Variants in NET1 observed in about 807,000 individuals in gnomAD.
NET1 encodes the protein neuroepithelial cell-transforming gene 1 protein.
NET1 carries 42 observed loss-of-function variants against 61.1 expected under a neutral mutation model. The observed-to-expected ratio is 0.69, with a 90% CI of 0.54 to 0.89. The LOEUF (loss-of-function observed/expected upper bound fraction) is 0.89. NET1 is among the 40% of genes least tolerant of loss of function. The pLI, the probability that NET1 is intolerant of heterozygous loss-of-function variation, is 0.00. For synonymous variants in NET1, 254 were observed against 281.8 expected, an observed-to-expected ratio of 0.90 and a Z score of 0.99; for missense variants, 654 against 747.3, an observed-to-expected ratio of 0.88 and a Z score of 1.46.
rs1044668277 is a variant in NET1 at position 5,435,555 on chromosome 10, AG to A, written c.255+6327del. On this transcript the variant is annotated intron_variant, in intron 3 of 11. Transcript: ENST00000355029. The surrounding 1 kb of genome is among the most constrained non-coding windows in gnomAD (Gnocchi z 5.0). ...TAGACAGACAGACAGATAGATAGAT[AG>A]ATAGATAAAATAGATACTCCGTAAA... Among the ~76,000 whole-genome samples the A allele has an allele frequency of 6.6e-6, 1 of 151,548 alleles. No individual in the cohort carries two copies. The highest frequency in any genetic ancestry group is 2.4e-5 in the African/African-American group (1 of 41,208).
At position 5,416,529 on chromosome 10, in the gene NET1, G is replaced by C. The variant is rs1832084566; in HGVS notation, c.128+3709G>C. On this transcript the variant is annotated intron_variant, in intron 1 of 11. Coordinates refer to ENST00000355029, the MANE Select transcript of NET1 (RefSeq NM_001047160.3). This position sits in a 1 kb window ranked among gnomAD's most constrained non-coding sequence, Gnocchi z 6.1. The stretch of plus-strand genomic sequence containing the variant: ...AGAGAGTTAAGTAGTCTGATCCATG[G>C]ACAAGGGATGTTTTTCCAATTATTT... Among the ~76,000 whole-genome samples the C allele has an allele frequency of 6.6e-6, 1 of 152,184 alleles. No individual in the cohort carries two copies. The highest frequency in any genetic ancestry group is 1.5e-5 in the Non-Finnish European group (1 of 68,026).
Position 5,423,777 on chromosome 10 carries a change from G to A in NET1, c.129-2878G>A, listed in dbSNP as rs752675913. Among the ~76,000 whole-genome samples the A allele has an allele frequency of 3.9e-5, 6 of 152,106 alleles. No individual in the cohort carries two copies. Among genetic ancestry groups the A allele is most frequent in the Admixed American group, 3.9e-4 (6 of 15,276 alleles). ...TTTTTCCCCACAAGGATTTAAAATA[G>A]CTATTACATTTTGAGTCTGACGCTT... On this transcript the variant is annotated intron_variant, in intron 1 of 11. Transcript: ENST00000355029. This position sits in a 1 kb window ranked among gnomAD's most constrained non-coding sequence, Gnocchi z 4.4.
chr10:5,427,691 T>C lies in NET1; in HGVS notation c.195+970T>C, dbSNP rs1320364066. Among the ~76,000 whole-genome samples the C allele has an allele frequency of 6.6e-6, 1 of 152,226 alleles. No individual in the cohort carries two copies. The highest frequency in any genetic ancestry group is 2.4e-5 in the African/African-American group (1 of 41,464). Reference sequence around the variant, plus strand: ...CTCCATTCTGATATATATTGTTCTTTCATGTCTTAGATCATTTTCCTAATG... The same window carrying C: ...CTCCATTCTGATATATATTGTTCTTCCATGTCTTAGATCATTTTCCTAATG... On this transcript the variant is annotated intron_variant, in intron 2 of 11. Coordinates refer to ENST00000355029, the MANE Select transcript of NET1 (RefSeq NM_001047160.3). The surrounding 1 kb of genome is among the most constrained non-coding windows in gnomAD (Gnocchi z 4.1).
In NET1 at chr10:5,440,044, A is replaced by C. The variant is rs1420350323; in HGVS notation, c.255+10815A>C. 6.6e-6 allele frequency among the ~76,000 whole-genome samples: 1 copy of C among 152,242 alleles called. No individual in the cohort carries two copies. Among genetic ancestry groups the C allele is most frequent in the East Asian group, 1.9e-4 (1 of 5,202 alleles). ...AAGCCTCAGGCCGTTGGATCTATTA[A>C]AACTTTTCCAACATGGCAACCTCTG... On this transcript the variant is annotated intron_variant, in intron 3 of 11. Transcript: ENST00000355029. This position sits in a 1 kb window ranked among gnomAD's most constrained non-coding sequence, Gnocchi z 4.1.
rs1832465618 is a variant in NET1, at chr10:5,437,996, A to G, written c.255+8767A>G. 6.6e-6 allele frequency among the ~76,000 whole-genome samples: 1 copy of G among 151,732 alleles called. No individual in the cohort carries two copies. The highest frequency in any genetic ancestry group is 1.5e-5 in the Non-Finnish European group (1 of 68,016). ...TGTGGAAATTAAACAACACATTATT[A>G]AACAATCAATGAGTCAAAACAAATC... On this transcript the variant is annotated intron_variant, in intron 3 of 11. Coordinates refer to ENST00000355029, the MANE Select transcript of NET1 (RefSeq NM_001047160.3). This position sits in a 1 kb window ranked among gnomAD's most constrained non-coding sequence, Gnocchi z 4.3.
chr10:5,448,579 C>CT (rs1219958184), intron 3 of NET1, among the ~76,000 whole-genome samples: 1 of 151,508 alleles, frequency 6.6e-6, no homozygotes, highest in Non-Finnish European at 1.5e-5. Flanking sequence ...TCCAAGTGAA[C>CT]TTTAGCCCTG....
chr10:5,458,537 T>C lies in NET1; in HGVS notation c.*1543T>C, dbSNP rs570944806. The C allele has an allele frequency of 5.3e-5, 8 of 152,138 alleles. No homozygotes were observed. In the East Asian group the frequency reaches 1.2e-3, roughly 22 times the overall value. 9.4% of individuals were successfully genotyped at this position (152,138 alleles called of 1,614,324 possible). ...AAATATGCTGGTGTGGCAAAGGAGGTAGTGGTAAGCCTCATAAAAGTTAGT... is the reference window on the plus strand; with the variant it reads ...AAATATGCTGGTGTGGCAAAGGAGGCAGTGGTAAGCCTCATAAAAGTTAGT... On this transcript the variant is annotated 3_prime_UTR_variant, in exon 12 of 12. Transcript: ENST00000355029. The surrounding 1 kb of genome is among the most constrained non-coding windows in gnomAD (Gnocchi z 4.5).
Position 5,412,948 on chromosome 10 carries a change from G to C in NET1, c.128+128G>C. On this transcript the variant is annotated intron_variant, in intron 1 of 11. Coordinates refer to ENST00000355029, the MANE Select transcript of NET1 (RefSeq NM_001047160.3). This position sits in a 1 kb window ranked among gnomAD's most constrained non-coding sequence, Gnocchi z 6.5. The stretch of plus-strand genomic sequence containing the variant: ...GGGCTGGCCGGGAGTTGGATGTGGG[G>C]GGCGGCGAGTGGGGGTGTTGGTGAG... 1 of 862,158 alleles carries C rather than the reference G, an allele frequency of 1.2e-6. No individual in the cohort carries two copies. The highest frequency in any genetic ancestry group is 4.3e-5 in the East Asian group (1 of 23,200). The allele number at this position is 862,158 out of a possible 1,614,324, so 53.4% of individuals were successfully genotyped here. A position where few individuals can be genotyped will look rare whatever the true frequency, so the allele number is the denominator to read the frequency against.
At chr10:5,414,045 G>A (rs10904496) in intron 1 of NET1, among the ~76,000 whole-genome samples, 37,784 of 151,982 alleles carry the variant, frequency 0.25, 4,951 homozygotes, top group Non-Finnish European at 0.29. Flanking sequence ...AGTTTAGAGA[G>A]CAGATGTAAA....
chr10:5,444,297 G>A lies in NET1; in HGVS notation c.256-7533G>A, dbSNP rs751747408. Among the ~76,000 whole-genome samples the A allele has an allele frequency of 7.9e-4, 120 of 152,288 alleles. No homozygotes were observed. The highest frequency in any genetic ancestry group is 3.4e-3 in the Middle Eastern group (1 of 294). On this transcript the variant is annotated intron_variant, in intron 3 of 11. Coordinates refer to ENST00000355029, the MANE Select transcript of NET1 (RefSeq NM_001047160.3). This position sits in a 1 kb window ranked among gnomAD's most constrained non-coding sequence, Gnocchi z 5.3. ...GAAAGATGAATTATTACCACATCTC[G>A]TGTATAAAACACACATAGCTACAGA...
At chr10:5,419,292 T>C (rs1477540497) in intron 1 of NET1, among the ~76,000 whole-genome samples, 1 of 147,146 alleles carries the variant, frequency 6.8e-6, no homozygotes, top group African/African-American at 2.5e-5. Context: ...GTGGACAGCA[T>C]ATAGTTGGAT....
intron 2 of NET1, among the ~76,000 whole-genome samples, 176 bp from the exon 3 acceptor site, chr10:5,428,993 TA>T (rs1832305611): frequency 6.6e-6 from 1 of 151,584 alleles, no homozygotes; most frequent in African/African-American, 2.4e-5. Flanking sequence ...CTCAGCCTCC[TA>T]AAGTGCTGAA....
At position 5,443,402 on chromosome 10, in the gene NET1, A is replaced by G. The variant is rs993410509; in HGVS notation, c.256-8428A>G. On this transcript the variant is annotated intron_variant, in intron 3 of 11. Transcript: ENST00000355029. This position sits in a 1 kb window ranked among gnomAD's most constrained non-coding sequence, Gnocchi z 4.8. ...TAATAAGTACTTCATAGAGTTGATT[A>G]AATAACATATAGAACTCTAGCACAA... is the stretch of plus-strand genomic sequence containing the variant. Among the ~76,000 whole-genome samples the G allele has an allele frequency of 1.3e-5, 2 of 152,238 alleles. No homozygotes were observed. The highest frequency in any genetic ancestry group is 4.8e-5 in the African/African-American group (2 of 41,462).
Position 5,446,250 on chromosome 10 carries a change from A to T in NET1, c.256-5580A>T, listed in dbSNP as rs1342878273. ...AGGCTTTTCTTCATTATATATGTTG[A>T]TTCAGCCCTATCGAATAAGAATTTC... On this transcript the variant is annotated intron_variant, in intron 3 of 11. Transcript: ENST00000355029. The surrounding 1 kb of genome is among the most constrained non-coding windows in gnomAD (Gnocchi z 5.0). Among the ~76,000 whole-genome samples, 5 of 152,190 alleles carry T rather than the reference A, an allele frequency of 3.3e-5. No individual in the cohort carries two copies. Among genetic ancestry groups the T allele is most frequent in the African/African-American group, 1.2e-4 (5 of 41,454 alleles).
chr10:5,436,249 T>TA (rs1491369503), intron 3 of NET1, among the ~76,000 whole-genome samples: 330 of 6,882 alleles, frequency 0.048, 2 homozygotes, highest in Non-Finnish European at 0.057. Flanking sequence ...TATATATATA[T>TA]TTTTTTTTTT....
Position 5,457,029 on chromosome 10 carries a change from G to C in NET1, c.*35G>C, listed in dbSNP as rs536223005. Reference sequence around the variant, plus strand: ...TGTGTGTTAACTGATGGGAGAGACTGTTTGTTTATAAATGTGTACAGTTTT... The same window carrying C: ...TGTGTGTTAACTGATGGGAGAGACTCTTTGTTTATAAATGTGTACAGTTTT... On this transcript the variant is annotated 3_prime_UTR_variant, in exon 12 of 12. Coordinates refer to ENST00000355029, the MANE Select transcript of NET1 (RefSeq NM_001047160.3). This position sits in a 1 kb window ranked among gnomAD's most constrained non-coding sequence, Gnocchi z 5.4. 1 of 1,509,278 alleles carries C rather than the reference G, an allele frequency of 6.6e-7. No individual in the cohort carries two copies. The highest frequency in any genetic ancestry group is 1.4e-5 in the South Asian group (1 of 73,790). The allele number at this position is 1,509,278 out of a possible 1,614,324, so 93.5% of individuals were successfully genotyped here.
At position 5,447,839 on chromosome 10, in the gene NET1, T is replaced by C. The variant is rs1832641234; in HGVS notation, c.256-3991T>C. On this transcript the variant is annotated intron_variant, in intron 3 of 11. Coordinates refer to ENST00000355029, the MANE Select transcript of NET1 (RefSeq NM_001047160.3). The surrounding 1 kb of genome is among the most constrained non-coding windows in gnomAD (Gnocchi z 4.1). Reference sequence around the variant, plus strand: ...AAAATGTGTAAGTATTTCCTTTGAGTAGAGCAGTCATCCACAGTCACTAGT... The same window carrying C: ...AAAATGTGTAAGTATTTCCTTTGAGCAGAGCAGTCATCCACAGTCACTAGT... 1.3e-5 allele frequency among the ~76,000 whole-genome samples: 2 copies of C among 152,234 alleles called. No individual in the cohort carries two copies. Among genetic ancestry groups the C allele is most frequent in the Non-Finnish European group, 1.5e-5 (1 of 68,044 alleles).
At chr10:5,436,383 A>G (rs1832439485) in intron 3 of NET1, among the ~76,000 whole-genome samples, 1 of 146,236 alleles carries the variant, frequency 6.8e-6, no homozygotes. Flanking sequence ...TTCCTGCCTC[A>G]GCCTCCCAAG....
intron 2 of NET1, among the ~76,000 whole-genome samples, chr10:5,428,414 A>T (rs1406860037): frequency 6.8e-6 from 1 of 148,040 alleles, no homozygotes; most frequent in Non-Finnish European, 1.5e-5. Context: ...TCAGGCAACA[A>T]ATCTTAATTA....
Sources: gnomAD v4.1 joint callset for allele counts (sites outside exome capture counted in the v4.1 genomes callset) on GRCh38, gnomAD v4.1.1 for gene constraint, Gnocchi (gnomAD v3.1) non-coding constraint, MANE v1.5 for transcripts, NCBI Gene and HGNC (gene_info 2026-07-23, HGNC 2026-07-21) for gene names.